Variants in LIPI observed in about 807,000 individuals in gnomAD.
The protein encoded by LIPI is lipase member I.
LIPI carries 59 observed loss-of-function variants against 50.6 expected under a neutral mutation model. The observed-to-expected ratio is 1.16, with a 90% CI of 0.94 to 1.45. LIPI has a LOEUF of 1.45. LIPI is among the 40% of genes most tolerant of loss of function. The probability of loss-of-function intolerance (pLI) is 0.00; values close to 1 mark genes in which losing one functional copy is unlikely to be tolerated. For synonymous variants in LIPI, 203 were observed against 178.2 expected, an observed-to-expected ratio of 1.14 and a Z score of -1.11; for missense variants, 586 against 536.3, an observed-to-expected ratio of 1.09 and a Z score of -0.92.
rs780755955 is a variant in LIPI, at chr21:14,144,674, C to A, written c.1244G>T (p.Cys415Phe). ...FQSSNLQCSTCTYKIQSLMLK... is the reference protein window; with the variant it reads ...FQSSNLQCSTFTYKIQSLMLK... Reference sequence around the variant, plus strand: ...CATGAGACTCTGGATCTTGTATGTGCATGTGGAACACTGCAGATTTGAGCT... The same window carrying A: ...CATGAGACTCTGGATCTTGTATGTGAATGTGGAACACTGCAGATTTGAGCT... Residue 415 changes from cysteine (C) to phenylalanine (F), a missense_variant, in exon 9 of 10, where the codon TGC becomes TTC. Cys to Phe is a radical substitution (Grantham distance 205). Transcript: ENST00000681601. 6.3e-7 allele frequency: 1 copy of A among 1,581,724 alleles called. No individual in the cohort carries two copies. Among genetic ancestry groups the A allele is most frequent in the Non-Finnish European group, 8.7e-7 (1 of 1,151,714 alleles).
chr21:14,120,697 AG>A lies in LIPI; in HGVS notation c.1296-11618del, dbSNP rs2016828741. Among the ~76,000 whole-genome samples the A allele has an allele frequency of 2.0e-5, 3 of 152,336 alleles. No homozygotes were observed. In the South Asian group the frequency reaches 6.2e-4, roughly 32 times the overall value. ...ACTCCTAACTACTCATCCAGTGAGA[AG>A]GTGTGGTTCACACAGGAAAATGGGT... On this transcript the variant is annotated intron_variant, in intron 9 of 9. Coordinates refer to ENST00000681601, the MANE Select transcript of LIPI (RefSeq NM_001302998.2).
intron 4 of LIPI, among the ~76,000 whole-genome samples, chr21:14,174,672 G>A (rs146285287): frequency 3.5e-4 from 53 of 152,212 alleles, no homozygotes; most frequent in African/African-American, 1.2e-3. Flanking sequence ...TCCTGCCTCA[G>A]CCTCCCAAGT....
chr21:14,163,478 T>C lies in LIPI; in HGVS notation c.947A>G (p.Glu316Gly), dbSNP rs769350900. The change falls in exon 7 of 10, where the codon GAA becomes GGA. Residue 316 changes from glutamate to glycine, a missense_variant. Coordinates refer to ENST00000681601, the MANE Select transcript of LIPI (RefSeq NM_001302998.2). Reference sequence around the variant, plus strand: ...CACAGTGGTCCTAAGAGGTCTTCCTTCCATCCTTTCTTTTAAAACACCTTT... The same window carrying C: ...CACAGTGGTCCTAAGAGGTCTTCCTCCCATCCTTTCTTTTAAAACACCTTT... The part of the protein sequence containing the change: ...LFKGVLKERM[E>G]GRPLRTTVFL... The C allele has an allele frequency of 1.9e-6, 3 of 1,591,448 alleles. No homozygotes were observed. The highest frequency in any genetic ancestry group is 2.2e-5 in the South Asian group (2 of 90,600).
intron 9 of LIPI, among the ~76,000 whole-genome samples, chr21:14,140,297 T>C (rs916861456): frequency 6.6e-6 from 1 of 152,186 alleles, no homozygotes; most frequent in Non-Finnish European, 1.5e-5. Flanking sequence ...AGAAAAAGAC[T>C]AGTCTATGAT....
intron 9 of LIPI, among the ~76,000 whole-genome samples, chr21:14,126,358 T>C (rs1277711061): frequency 6.6e-6 from 1 of 152,218 alleles, no homozygotes; most frequent in African/African-American, 2.4e-5. Context: ...AATAGAATAC[T>C]ATTCATAATA....
At chr21:14,139,328 A>G (rs1366418145) in intron 9 of LIPI, among the ~76,000 whole-genome samples, 1 of 152,140 alleles carries the variant, frequency 6.6e-6, no homozygotes. Flanking sequence ...AACTTCAACA[A>G]TATACTTTTT....
intron 4 of LIPI, among the ~76,000 whole-genome samples, chr21:14,180,976 G>A (rs1245612404): frequency 6.6e-6 from 1 of 152,068 alleles, no homozygotes; most frequent in Non-Finnish European, 1.5e-5. Flanking sequence ...TGCATCATCT[G>A]GAATCAAAAC....
chr21:14,150,613 C>G (rs531267552), intron 8 of LIPI, among the ~76,000 whole-genome samples: 2 of 152,030 alleles, frequency 1.3e-5, no homozygotes, highest in Admixed American at 1.3e-4. Context: ...AGCCAAAAAT[C>G]CTGTTTTTGA....
intron 4 of LIPI, among the ~76,000 whole-genome samples, chr21:14,176,022 C>CA (rs1363987153): frequency 1.3e-5 from 2 of 151,754 alleles, no homozygotes; most frequent in African/African-American, 2.4e-5. Flanking sequence ...ACTAAAAATA[C>CA]AAAAAATTAG....
chr21:14,112,330 G>T (rs1212064408), intron 9 of LIPI, among the ~76,000 whole-genome samples: 1 of 151,846 alleles, frequency 6.6e-6, no homozygotes, highest in Non-Finnish European at 1.5e-5. Context: ...AGTATTTTGT[G>T]GTTTCATACA....
At chr21:14,144,487 A>G in intron 9 of LIPI, 136 bp downstream of exon 9, 1 of 498,036 alleles carries the variant, frequency 2.0e-6, no homozygotes, top group Non-Finnish European at 3.6e-6. Context: ...TGAGATTCTA[A>G]TATTTATGTA....
chr21:14,175,335 T>C (rs970125455), intron 4 of LIPI, among the ~76,000 whole-genome samples: 7 of 152,150 alleles, frequency 4.6e-5, no homozygotes, highest in Non-Finnish European at 1.0e-4. Context: ...TGGGTTTTAA[T>C]TTATATTTTT....
At chr21:14,171,555 A>T (rs2018907712) in intron 4 of LIPI, among the ~76,000 whole-genome samples, 1 of 150,202 alleles carries the variant, frequency 6.7e-6, no homozygotes, top group Admixed American at 6.6e-5. Context: ...TCTCAGAAAC[A>T]ATGCCGCATA....
At chr21:14,181,633 CT>C in intron 4 of LIPI, 124 bp downstream of exon 4, 1 of 652,284 alleles carries the variant, frequency 1.5e-6, no homozygotes, top group Non-Finnish European at 2.8e-6. Flanking sequence ...TATTATCATT[CT>C]ATAATTACAG....
At chr21:14,181,962 CT>C (rs1209752716) in intron 3 of LIPI, 103 bp from the exon 4 acceptor site, 2 of 716,762 alleles carry the variant, frequency 2.8e-6, no homozygotes, top group Middle Eastern at 2.3e-4. Flanking sequence ...AGCATTTATA[CT>C]TTTAGTTTAA....
chr21:14,198,658 A>T (rs1311904365), intron 1 of LIPI, among the ~76,000 whole-genome samples: 1 of 152,154 alleles, frequency 6.6e-6, no homozygotes, highest in African/African-American at 2.4e-5. Context: ...TCAGAATCCC[A>T]CACAATAATA....
At chr21:14,166,670 G>A (rs573041563) in intron 4 of LIPI, among the ~76,000 whole-genome samples, 73 of 152,120 alleles carry the variant, frequency 4.8e-4, no homozygotes, top group Admixed American at 3.2e-3. Flanking sequence ...GTTTACTATC[G>A]GTCAGTCACA....
chr21:14,165,791 C>A (rs1241756650), intron 5 of LIPI, among the ~76,000 whole-genome samples: 1 of 152,290 alleles, frequency 6.6e-6, no homozygotes, highest in South Asian at 2.1e-4. Context: ...CCTTCCTTTT[C>A]TTTTCCAACC....
chr21:14,171,567 C>T (rs1253401690), intron 4 of LIPI, among the ~76,000 whole-genome samples: 4 of 150,354 alleles, frequency 2.7e-5, no homozygotes, highest in Non-Finnish European at 5.9e-5. Flanking sequence ...TGCCGCATAT[C>T]TACAACTATC....
Sources: gnomAD v4.1 joint callset for allele counts (sites outside exome capture counted in the v4.1 genomes callset) on GRCh38, gnomAD v4.1.1 for gene constraint, MANE v1.5 for transcripts, NCBI Gene and HGNC (gene_info 2026-07-23, HGNC 2026-07-21) for gene names.